The following PDE4D variants were observed in gnomAD, a reference collection of about 807,000 sequenced individuals.
PDE4D encodes 3',5'-cyclic-AMP phosphodiesterase 4D.
Under a neutral mutation model 87.4 loss-of-function variants are expected in PDE4D, and 24 were observed. That is an observed-to-expected ratio of 0.27 (90% CI 0.20 to 0.39). The LOEUF (loss-of-function observed/expected upper bound fraction) is 0.39. PDE4D is among the 10% of genes least tolerant of loss of function. The pLI is 1.00. For missense variants in PDE4D, 714 were observed against 1,041.0 expected, an observed-to-expected ratio of 0.69 and a Z score of 4.32; for synonymous variants, 384 against 383.2, an observed-to-expected ratio of 1.00 and a Z score of -0.02.
chr5:59,671,711 G>A (rs1747232910), intron 1 of PDE4D, among the ~76,000 whole-genome samples: 2 of 151,840 alleles, frequency 1.3e-5, no homozygotes, highest in South Asian at 2.1e-4. Flanking sequence ...GAGAGGCTGA[G>A]GTGGGAGGAT....
intron 3 of PDE4D, among the ~76,000 whole-genome samples, chr5:59,916,733 AC>A (rs1754085467): frequency 1.3e-5 from 2 of 152,160 alleles, no homozygotes; most frequent in Admixed American, 1.3e-4. Flanking sequence ...TTTAAGAGTC[AC>A]AGCATACATT....
At chr5:59,812,983 C>G (rs759633316) in intron 1 of PDE4D, among the ~76,000 whole-genome samples, 1 of 152,204 alleles carries the variant, frequency 6.6e-6, no homozygotes, top group Non-Finnish European at 1.5e-5. Context: ...TAATAATATT[C>G]CTAAATTCTG....
chr5:60,006,729 G>T lies in PDE4D; in HGVS notation c.43-18012C>A, dbSNP rs561221105. Among the ~76,000 whole-genome samples the T allele has an allele frequency of 2.0e-5, 3 of 151,874 alleles. No homozygotes were observed. In the South Asian group the frequency reaches 6.2e-4, roughly 31 times the overall value. ...TGTGCTGTAAACATGATGATGCATA[G>T]GTCTAATCCAACCATTAAGTATCCA... On this transcript the variant is annotated intron_variant, in intron 2 of 16. Transcript: ENST00000502484.
chr5:59,234,028 G>A (rs1333861255), intron 1 of PDE4D, among the ~76,000 whole-genome samples: 1 of 152,084 alleles, frequency 6.6e-6, no homozygotes, highest in African/African-American at 2.4e-5. Context: ...ATGCACAGCT[G>A]TTTTCTAAAG....
chr5:59,793,721 C>T (rs888777007), intron 1 of PDE4D, among the ~76,000 whole-genome samples: 1 of 152,178 alleles, frequency 6.6e-6, no homozygotes, highest in African/African-American at 2.4e-5. Flanking sequence ...TTGTTCATTT[C>T]ACGTGGATGG....
intron 1 of PDE4D, among the ~76,000 whole-genome samples, chr5:59,674,316 C>A (rs1214516382): frequency 6.6e-6 from 1 of 152,162 alleles, no homozygotes; most frequent in African/African-American, 2.4e-5. Context: ...GTGGAAAGTT[C>A]TATGAAGACA....
intron 3 of PDE4D, among the ~76,000 whole-genome samples, chr5:59,191,974 A>T (rs1303398436): frequency 6.6e-6 from 1 of 152,242 alleles, no homozygotes; most frequent in Non-Finnish European, 1.5e-5. Flanking sequence ...GGACACAGAA[A>T]TACAGGTACT....
At chr5:59,926,384 AC>A (rs1321750701) in intron 3 of PDE4D, among the ~76,000 whole-genome samples, 1 of 152,022 alleles carries the variant, frequency 6.6e-6, no homozygotes, top group Non-Finnish European at 1.5e-5. Context: ...GGCAGTTTAT[AC>A]CCTATATCAA....
chr5:59,376,418 T>G (rs1784745366), intron 1 of PDE4D, among the ~76,000 whole-genome samples: 3 of 152,100 alleles, frequency 2.0e-5, no homozygotes, highest in African/African-American at 7.2e-5. Flanking sequence ...AAATCAGGAA[T>G]GCAATCCCAT....
intron 1 of PDE4D, among the ~76,000 whole-genome samples, chr5:59,361,586 C>G (rs1562031825): frequency 6.6e-6 from 1 of 152,238 alleles, no homozygotes; most frequent in East Asian, 1.9e-4. Flanking sequence ...GAAGTCTTCC[C>G]TGCCTCCCCA....
At chr5:59,395,713 C>A (rs2547921) in intron 1 of PDE4D, among the ~76,000 whole-genome samples, 1 of 132,918 alleles carries the variant, frequency 7.5e-6, no homozygotes, top group African/African-American at 2.9e-5. Context: ...TCACCAGCAA[C>A]AGAACAAAGC....
At chr5:59,280,380 G>A (rs1292460997) in intron 1 of PDE4D, among the ~76,000 whole-genome samples, 2 of 152,028 alleles carry the variant, frequency 1.3e-5, no homozygotes, top group Non-Finnish European at 2.9e-5. Context: ...ATAAACATTT[G>A]TGCATGGAGT....
intron 2 of PDE4D, among the ~76,000 whole-genome samples, chr5:60,111,376 T>C (rs1209053741): frequency 6.6e-6 from 1 of 152,026 alleles, no homozygotes; most frequent in East Asian, 1.9e-4. Flanking sequence ...AATGATACTA[T>C]AAGTACTGAG....
At chr5:59,300,681 T>A (rs893423690) in intron 1 of PDE4D, among the ~76,000 whole-genome samples, 1 of 151,828 alleles carries the variant, frequency 6.6e-6, no homozygotes, top group African/African-American at 2.4e-5. Flanking sequence ...ATGTGAGGTT[T>A]CCCCCCCACA....
At chr5:59,828,528 C>T (rs564000841) in intron 1 of PDE4D, among the ~76,000 whole-genome samples, 29 of 152,122 alleles carry the variant, frequency 1.9e-4, no homozygotes, top group African/African-American at 6.7e-4. Context: ...TGGGGATGCT[C>T]TTTCAGATTT....
At chr5:59,107,167 A>G (rs1561494987) in intron 5 of PDE4D, among the ~76,000 whole-genome samples, 1 of 152,184 alleles carries the variant, frequency 6.6e-6, no homozygotes, top group Non-Finnish European at 1.5e-5. Context: ...AATATGAAAT[A>G]TAGACATAAT....
intron 2 of PDE4D, among the ~76,000 whole-genome samples, chr5:60,065,546 C>T (rs932296084): frequency 1.8e-4 from 27 of 152,002 alleles, no homozygotes; most frequent in African/African-American, 6.5e-4. Context: ...ATTAACTCAT[C>T]ATTTAGCATT....
At chr5:60,064,205 CTT>C (rs1281146878) in intron 2 of PDE4D, among the ~76,000 whole-genome samples, 13 of 151,868 alleles carry the variant, frequency 8.6e-5, no homozygotes, top group African/African-American at 3.1e-4. Context: ...AAAGTTAATA[CTT>C]ACGGAGGGTT....
At chr5:59,242,333 T>C (rs1428186121) in intron 1 of PDE4D, among the ~76,000 whole-genome samples, 3 of 152,160 alleles carry the variant, frequency 2.0e-5, no homozygotes, top group Non-Finnish European at 4.4e-5. Flanking sequence ...ATGGGTTCTC[T>C]AAGCAGGTGA....
Sources: allele counts gnomAD v4.1 joint callset (sites outside exome capture counted in the v4.1 genomes callset), GRCh38; gene constraint gnomAD v4.1.1; transcripts MANE v1.5; gene names NCBI Gene and HGNC (gene_info 2026-07-23, HGNC 2026-07-21).